The following BRF1 variants were observed in gnomAD, a reference collection of about 807,000 sequenced individuals.
BRF1 encodes transcription factor IIIB 90 kDa subunit.
Under a neutral mutation model 81.7 loss-of-function variants are expected in BRF1, and 59 were observed. That is an observed-to-expected ratio of 0.72 (90% CI 0.59 to 0.90). The LOEUF (loss-of-function observed/expected upper bound fraction) is 0.90, where lower values mean the gene tolerates loss of function less well. BRF1 is among the 40% of genes least tolerant of loss of function. BRF1 has a pLI of 0.00. For synonymous variants in BRF1, 491 were observed against 395.6 expected (o/e 1.24, Z -2.86); for missense variants, 1,050 against 936.3 (o/e 1.12, Z -1.58).
chr14:105,223,706 G>C (rs781399791), intron 10 of BRF1, among the ~76,000 whole-genome samples: 2 of 152,176 alleles, frequency 1.3e-5, no homozygotes, highest in Non-Finnish European at 2.9e-5. Context: ...GGTCTTCTTG[G>C]TTGTCACTAT....
chr14:105,255,095 T>C (rs2140317908), intron 4 of BRF1, among the ~76,000 whole-genome samples: 1 of 152,280 alleles, frequency 6.6e-6, no homozygotes, highest in South Asian at 2.1e-4. Flanking sequence ...GGGTCTGCCC[T>C]AAGGCAGGGA....
At chr14:105,313,319 C>T (rs2140721402) in intron 1 of BRF1, among the ~76,000 whole-genome samples, 1 of 152,324 alleles carries the variant, frequency 6.6e-6, no homozygotes, top group East Asian at 1.9e-4. Context: ...ATGGCTACCC[C>T]CTCTCTGGAC....
At chr14:105,250,540 C>T in intron 5 of BRF1, 1 of 1,614,126 alleles carries the variant, frequency 6.2e-7, no homozygotes, top group Non-Finnish European at 8.5e-7. Context: ...GCGAACTCAG[C>T]TACTTTGGGC....
At chr14:105,291,149 CCT>C (rs995872234) in intron 1 of BRF1, among the ~76,000 whole-genome samples, 4 of 152,106 alleles carry the variant, frequency 2.6e-5, no homozygotes, top group African/African-American at 7.2e-5. Context: ...AGACTGCCCC[CCT>C]GTGTACAGCA....
chr14:105,296,609 A>T (rs1174098055), intron 1 of BRF1, among the ~76,000 whole-genome samples: 1 of 149,616 alleles, frequency 6.7e-6, no homozygotes, highest in Non-Finnish European at 1.5e-5. Context: ...TGAACCTGGG[A>T]GGCGGAGATT....
In BRF1 at chr14:105,241,413, G is replaced by T. The variant is rs760527043; in HGVS notation, c.546C>A (p.Asp182Glu). 1 of 1,611,202 alleles carries T rather than the reference G, an allele frequency of 6.2e-7. No homozygotes were observed. Among genetic ancestry groups the T allele is most frequent in the African/African-American group, 1.3e-5 (1 of 74,944 alleles). ...RELCINAPAI[D>E]PCLYIPRFAH... The stretch of plus-strand genomic sequence containing the variant: ...CAAAGCGTGGAATATACAGGCACGG[G>T]TCTGCGGCAGACACAGCACCTCAGT... The change falls in exon 6 of 18, where the codon GAC becomes GAA. Residue 182 changes from aspartate (D) to glutamate (E), a missense_variant and splice_region_variant. Asp to Glu is a conservative substitution (Grantham distance 45). Coordinates refer to ENST00000547530, the MANE Select transcript of BRF1 (RefSeq NM_001519.4).
At chr14:105,303,186 C>A (rs587717658), upstream of BRF1, among the ~76,000 whole-genome samples, 1 of 152,300 alleles carries the variant, frequency 6.6e-6, no homozygotes, top group Admixed American at 6.5e-5. Context: ...GTCTTGGTCT[C>A]CCAAAGTGTT....
At chr14:105,263,150 T>C (rs2056233490) in intron 3 of BRF1, among the ~76,000 whole-genome samples, 1 of 146,590 alleles carries the variant, frequency 6.8e-6, no homozygotes. Context: ...GGCAGGAGAA[T>C]CGCTTGAACC....
At chr14:105,257,017 CGA>C (rs1292371334) in intron 3 of BRF1, among the ~76,000 whole-genome samples, 2 of 152,032 alleles carry the variant, frequency 1.3e-5, no homozygotes, top group African/African-American at 2.4e-5. Context: ...GCAGTCCTCC[CGA>C]GAGACAGAAA....
chr14:105,259,345 T>G (rs911153703), intron 3 of BRF1, among the ~76,000 whole-genome samples: 2 of 152,180 alleles, frequency 1.3e-5, no homozygotes, highest in Admixed American at 1.3e-4. Flanking sequence ...CTCAGAAGGC[T>G]AAGGCAGGAG....
Position 105,226,126 on chromosome 14 carries a change from C to A in BRF1, c.991G>T (p.Glu331Ter). Reference protein sequence around the residue: ...ISSYQDAIEIELENSRPKAKG... With the variant: ...ISSYQDAIEI ...GCCTTTGGCCGGCTGTTTTCTAGTT[C>A]AATCTCAATTGCATCCTGGTAACTG... Residue 331 changes from glutamate (E) to a stop codon, truncating the protein, a stop_gained, in exon 10 of 18, where the codon GAA (glutamate) becomes TAA (stop). Coordinates refer to ENST00000547530, the MANE Select transcript of BRF1 (RefSeq NM_001519.4). LOFTEE classifies it high-confidence loss of function. The A allele has an allele frequency of 6.2e-7, 1 of 1,613,932 alleles. No homozygotes were observed. The highest frequency in any genetic ancestry group is 8.5e-7 in the Non-Finnish European group (1 of 1,180,038).
chr14:105,249,944 A>G lies in BRF1; in HGVS notation c.544+2563T>C, dbSNP rs1373717975. Reference sequence around the variant, plus strand: ...TGTCACTCGGGAGGCCCTCAACACCAAAGAGGCGGTGGTCTTCGAGGCCGT... The same window carrying G: ...TGTCACTCGGGAGGCCCTCAACACCGAAGAGGCGGTGGTCTTCGAGGCCGT... On this transcript the variant is annotated intron_variant, in intron 5 of 17. Transcript: ENST00000547530. 10 of 1,611,806 alleles carry G rather than the reference A, an allele frequency of 6.2e-6. No homozygotes were observed. Among genetic ancestry groups the G allele is most frequent in the African/African-American group, 5.3e-5 (4 of 74,942 alleles).
In BRF1 at chr14:105,269,569, C is replaced by T. The variant is rs771213355; in HGVS notation, c.439+3152G>A. ...CACTGTGAGCACTGTGCGTGAGCCT[C>T]GGTGGGGACACAGGTACTCTTTTCC... On this transcript the variant is annotated intron_variant, in intron 3 of 17. Transcript: ENST00000547530. This position sits in a 1 kb window ranked among gnomAD's most constrained non-coding sequence, Gnocchi z 5.0. Among the ~76,000 whole-genome samples, 2 of 152,098 alleles carry T rather than the reference C, an allele frequency of 1.3e-5. No individual in the cohort carries two copies. The highest frequency in any genetic ancestry group is 1.5e-5 in the Non-Finnish European group (1 of 68,030).
Position 105,221,690 on chromosome 14 carries a change from C to G in BRF1, c.1273G>C (p.Asp425His), listed in dbSNP as rs143878116. 1.7e-5 allele frequency: 28 copies of G among 1,611,628 alleles called. No homozygotes were observed. The highest frequency in any genetic ancestry group is 2.4e-5 in the Non-Finnish European group (28 of 1,179,932). Residue 425 changes from aspartate to histidine, a missense_variant, in exon 11 of 18, where the codon GAC becomes CAC. Physicochemically the swap from Asp to His is moderately conservative, Grantham distance 81 (BLOSUM62 -1). Transcript: ENST00000547530. ...GAGGAGATGCATTCGCGGATGGAGT[C>G]TGAGATGCCCAGGCTGGCTGCAGTG... Reference protein sequence around the residue: ...LPTAASLGISDSIRECISSQS... With the variant: ...LPTAASLGISHSIRECISSQS...
Position 105,271,497 on chromosome 14 carries a change from C to T in BRF1, c.439+1224G>A, listed in dbSNP as rs1182013316. Among the ~76,000 whole-genome samples the T allele has an allele frequency of 1.3e-5, 2 of 152,204 alleles. No individual in the cohort carries two copies. The highest frequency in any genetic ancestry group is 2.9e-5 in the Non-Finnish European group (2 of 68,034). On this transcript the variant is annotated intron_variant, in intron 3 of 17. Coordinates refer to ENST00000547530, the MANE Select transcript of BRF1 (RefSeq NM_001519.4). The surrounding 1 kb of genome is among the most constrained non-coding windows in gnomAD (Gnocchi z 5.5). ...CCAGACACAGGGCAGGGAGGGGGAC[C>T]ACCTTCAGAGGGGCGCAGCTCGGAA...
intron 5 of BRF1, chr14:105,250,798 C>T (rs866693308): frequency 1.2e-5 from 12 of 1,034,260 alleles, no homozygotes; most frequent in Middle Eastern, 6.5e-4. Context: ...TCAGCTGAAG[C>T]TTGACTGTGT....
intron 15 of BRF1, chr14:105,212,932 A>G (rs921165646): frequency 6.6e-6 from 1 of 152,244 alleles, no homozygotes; most frequent in Non-Finnish European, 1.5e-5. Flanking sequence ...GGACCTTAGC[A>G]GAACATCTAG....
chr14:105,301,821 A>G (rs587757822), upstream of BRF1, among the ~76,000 whole-genome samples: 3 of 152,324 alleles, frequency 2.0e-5, no homozygotes, highest in South Asian at 6.2e-4. Flanking sequence ...AGGGCCGGTG[A>G]CATACCCAGG....
At chr14:105,214,123 G>A (rs775882051) in intron 15 of BRF1, among the ~76,000 whole-genome samples, 23 of 152,330 alleles carry the variant, frequency 1.5e-4, no homozygotes, top group Admixed American at 5.2e-4. Context: ...TGCTGACCCC[G>A]CTTGGCTGAA....
Sources: allele counts gnomAD v4.1 joint callset (sites outside exome capture counted in the v4.1 genomes callset), GRCh38; gene constraint gnomAD v4.1.1; non-coding constraint Gnocchi (gnomAD v3.1); transcripts MANE v1.5; gene names NCBI Gene and HGNC (gene_info 2026-07-23, HGNC 2026-07-21).